Variants in TNRC6B observed in about 807,000 individuals in gnomAD.
The protein encoded by TNRC6B is trinucleotide repeat containing adaptor 6B.
TNRC6B carries 52 observed loss-of-function variants against 203.6 expected under a neutral mutation model. The ratio of observed to expected loss-of-function variants is 0.26; its 90% CI spans 0.20 to 0.32. The LOEUF is 0.32. Among genes scored for constraint, TNRC6B ranks in the 10% least tolerant of loss-of-function variants. TNRC6B has a pLI of 1.00. For synonymous variants in TNRC6B, 838 were observed against 845.7 expected (o/e 0.99, Z 0.16); for missense variants, 1,923 against 2,286.2 (o/e 0.84, Z 3.24).
intron 1 of TNRC6B, among the ~76,000 whole-genome samples, chr22:40,230,898 A>C (rs906665284): frequency 6.6e-6 from 1 of 152,136 alleles, no homozygotes; most frequent in African/African-American, 2.4e-5. Flanking sequence ...TCTATGATTC[A>C]TTGAATTAAT....
At position 40,324,160 on chromosome 22, in the gene TNRC6B, C is replaced by G. The variant is rs1280105327; in HGVS notation, c.*919C>G. 1 of 152,750 alleles carries G rather than the reference C, an allele frequency of 6.5e-6. No individual in the cohort carries two copies. Among genetic ancestry groups the G allele is most frequent in the East Asian group, 1.9e-4 (1 of 5,184 alleles). The allele number at this position is 152,750 out of a possible 1,614,324, so 9.5% of individuals were successfully genotyped here. ...AATGATGAAAGCAGGGAGCTCCTTT[C>G]CATTTGCAACTTAGCCTGAATGTGG... On this transcript the variant is annotated 3_prime_UTR_variant, in exon 23 of 23. Transcript: ENST00000454349.
Position 40,135,272 on chromosome 22 carries a change from A to C in TNRC6B, c.45+9410A>C, listed in dbSNP as rs1398333612. Among the ~76,000 whole-genome samples, 5 of 152,300 alleles carry C rather than the reference A, an allele frequency of 3.3e-5. No homozygotes were observed. In the East Asian group the frequency reaches 9.6e-4, roughly 29 times the overall value. ...CAAGTCACAGGACCATCCCAGACTC[A>C]AGGGGAGGAGAAACAGACCCCACCT... On this transcript the variant is annotated intron_variant, in intron 3 of 23. Transcript: ENST00000301923.
intron 1 of TNRC6B, among the ~76,000 whole-genome samples, chr22:40,062,186 T>C (rs1187518905): frequency 6.6e-6 from 1 of 152,236 alleles, no homozygotes; most frequent in East Asian, 1.9e-4. Flanking sequence ...CAATATGTTA[T>C]TTTTTAAATT....
At chr22:40,108,290 C>G (rs928184633) in intron 1 of TNRC6B, among the ~76,000 whole-genome samples, 1 of 152,174 alleles carries the variant, frequency 6.6e-6, no homozygotes, top group African/African-American at 2.4e-5. Context: ...CAGCACCACC[C>G]TGCACAGCCC....
intron 15 of TNRC6B, among the ~76,000 whole-genome samples, chr22:40,306,397 T>C (rs2071088242): frequency 1.3e-5 from 2 of 152,264 alleles, no homozygotes; most frequent in Admixed American, 6.5e-5. Flanking sequence ...GTTCCTCCTC[T>C]TCTTAGTAAT....
chr22:40,051,533 C>A (rs1220359067), intron 1 of TNRC6B, among the ~76,000 whole-genome samples: 2 of 152,212 alleles, frequency 1.3e-5, no homozygotes, highest in East Asian at 3.8e-4. Context: ...CAGTGTCTCA[C>A]CCCTACAGAT....
intron 7 of TNRC6B, among the ~76,000 whole-genome samples, chr22:40,276,175 A>C (rs1569050085): frequency 6.6e-6 from 1 of 151,640 alleles, no homozygotes; most frequent in Non-Finnish European, 1.5e-5. Context: ...GTTAAACCCC[A>C]TCTCTACTAA....
chr22:40,278,779 A>ACTTGCTCAGTCTTG (rs1193496399), intron 9 of TNRC6B, among the ~76,000 whole-genome samples: 1 of 152,146 alleles, frequency 6.6e-6, no homozygotes, highest in Non-Finnish European at 1.5e-5. Flanking sequence ...TTGCTCTGTC[A>ACTTGCTCAGTCTTG]CCCTGGCTGG....
intron 4 of TNRC6B, among the ~76,000 whole-genome samples, chr22:40,262,521 GA>G (rs147374881): frequency 0.14 from 21,787 of 152,188 alleles, 1,854 homozygotes; most frequent in South Asian, 0.26. Flanking sequence ...GTGCGAAGGC[GA>G]ATCTTTAGAT....
intron 2 of TNRC6B, among the ~76,000 whole-genome samples, chr22:40,249,976 T>G (rs968265158): frequency 6.6e-6 from 1 of 152,212 alleles, no homozygotes; most frequent in African/African-American, 2.4e-5. Context: ...GATGGTGTGC[T>G]GGGATCCATT....
intron 1 of TNRC6B, among the ~76,000 whole-genome samples, chr22:40,046,312 C>A (rs1386253043): frequency 6.6e-6 from 1 of 152,220 alleles, no homozygotes. Context: ...ATTGTCTCTA[C>A]AGCGCGCAGC....
chr22:40,313,747 C>T (rs989401589), intron 19 of TNRC6B, among the ~76,000 whole-genome samples: 4 of 152,244 alleles, frequency 2.6e-5, no homozygotes, highest in African/African-American at 9.6e-5. Context: ...CTCCTTCCCA[C>T]CTCTCTGTCA....
intron 10 of TNRC6B, among the ~76,000 whole-genome samples, chr22:40,280,410 A>T (rs529811420): frequency 5.3e-5 from 8 of 152,216 alleles, no homozygotes; most frequent in Non-Finnish European, 1.0e-4. Flanking sequence ...TTAGAGATAA[A>T]CTTACTCTGC....
intron 21 of TNRC6B, among the ~76,000 whole-genome samples, chr22:40,320,315 A>G (rs992065813): frequency 3.9e-5 from 6 of 152,126 alleles, no homozygotes; most frequent in African/African-American, 1.4e-4. Context: ...CCCTGTCTCT[A>G]TTAAAAATAC....
chr22:40,297,677 C>T (rs2070962577), intron 12 of TNRC6B, among the ~76,000 whole-genome samples: 1 of 151,206 alleles, frequency 6.6e-6, no homozygotes, highest in Non-Finnish European at 1.5e-5. Context: ...CAAAAATTAG[C>T]TGGGTGTGGT....
intron 1 of TNRC6B, among the ~76,000 whole-genome samples, chr22:40,115,223 G>C (rs1404820793): frequency 6.6e-6 from 1 of 152,218 alleles, no homozygotes; most frequent in East Asian, 1.9e-4. Context: ...TACAGGGTTG[G>C]CACACTATTT....
chr22:40,255,597 G>A (rs1394953856), intron 3 of TNRC6B, among the ~76,000 whole-genome samples: 1 of 152,186 alleles, frequency 6.6e-6, no homozygotes, highest in African/African-American at 2.4e-5. Context: ...TGAACGTGAG[G>A]TATTACAAGA....
intron 1 of TNRC6B, among the ~76,000 whole-genome samples, chr22:40,212,849 C>T (rs2069583738): frequency 6.6e-6 from 1 of 152,054 alleles, no homozygotes; most frequent in Non-Finnish European, 1.5e-5. Context: ...GGAGTTTCAC[C>T]ATGTTGGCCA....
intron 1 of TNRC6B, among the ~76,000 whole-genome samples, chr22:40,063,065 T>G (rs889996198): frequency 6.6e-6 from 1 of 152,204 alleles, no homozygotes; most frequent in Non-Finnish European, 1.5e-5. Context: ...AACTCTTACA[T>G]TTACATCTCT....
Sources: gnomAD v4.1 joint callset for allele counts (sites outside exome capture counted in the v4.1 genomes callset) on GRCh38, gnomAD v4.1.1 for gene constraint, MANE v1.5 for transcripts, NCBI Gene and HGNC (gene_info 2026-07-23, HGNC 2026-07-21) for gene names.